NTN5: variants seen among roughly 807,000 people sequenced by gnomAD.
The protein encoded by NTN5 is netrin-5.
NTN5 carries 42 observed loss-of-function variants against 38.7 expected under a neutral mutation model. That is an observed-to-expected ratio of 1.08 (90% CI 0.85 to 1.40). The LOEUF (loss-of-function observed/expected upper bound fraction) is 1.40. Ranked by LOEUF, NTN5 falls within the 40% of genes most tolerant of loss-of-function variation. The pLI is 0.00. For synonymous variants in NTN5, 329 were observed against 303.9 expected (o/e 1.08, Z -0.86); for missense variants, 658 against 716.5 (o/e 0.92, Z 0.93).
At chr19:48,664,909 T>A (rs2031658582) in intron 2 of NTN5, 142 bp from the exon 3 acceptor site, 2 of 628,260 alleles carry the variant, frequency 3.2e-6, no homozygotes, top group Admixed American at 4.2e-5. Flanking sequence ...CCAGGACATC[T>A]CTATTATTAT....
At chr19:48,669,945 TCACCACCACCATCAC>T (rs2031899020) in intron 2 of NTN5, among the ~76,000 whole-genome samples, 2 of 28,612 alleles carry the variant, frequency 7.0e-5, no homozygotes, top group South Asian at 3.1e-3. Context: ...ACCATCACCA[TCACCACCACCATCAC>T]CATCACCACC....
At chr19:48,664,340 G>A (rs764626373) in intron 3 of NTN5, 48 bp from the exon 4 acceptor site, 14 of 1,584,728 alleles carry the variant, frequency 8.8e-6, no homozygotes, top group Non-Finnish European at 1.1e-5. Context: ...GGCCCCAGAT[G>A]CCCCTCCCAA....
intron 2 of NTN5, chr19:48,667,488 G>A (rs993252582): frequency 8.3e-6 from 2 of 242,368 alleles, no homozygotes; most frequent in Non-Finnish European, 1.8e-5. Context: ...TCACTCCCCT[G>A]CTTAGGTAAA....
In NTN5 at chr19:48,662,015, C is replaced by T. The variant is rs375834403; in HGVS notation, c.1132G>A (p.Glu378Lys). ...HVLRAQVLAS[E>K]AAGPAWQRLA... is the part of the protein sequence containing the mutation. ...CGCTGCCATGCCGGGCCCGCCGCCT[C>T]GGACGCTAGCACCTGCGCGCGGAGA... Residue 378 changes from glutamate to lysine, a missense_variant, in exon 7 of 7, where the codon GAG becomes AAG. Glu to Lys is a moderately conservative substitution (Grantham distance 56). Transcript: ENST00000270235. 2.0e-4 allele frequency: 290 copies of T among 1,485,804 alleles called. No homozygotes were observed. In the African/African-American group the frequency reaches 3.1e-3, roughly 16 times the overall value. 92.0% of individuals were successfully genotyped at this position (1,485,804 alleles called of 1,614,324 possible).
Position 48,661,509 on chromosome 19 carries a change from C to T in NTN5, c.*168G>A. 1 of 804,044 alleles carries T rather than the reference C, an allele frequency of 1.2e-6. No homozygotes were observed. The highest frequency in any genetic ancestry group is 1.7e-6 in the Non-Finnish European group (1 of 580,762). 49.8% of individuals were successfully genotyped at this position (804,044 alleles called of 1,614,324 possible). ...TGGGACCAGAAGTCCCGCTTGCCGC[C>T]TTTTGCTAAAAGTTCCGCACGCCTG... On this transcript the variant is annotated 3_prime_UTR_variant, in exon 7 of 7. Coordinates refer to ENST00000270235, the MANE Select transcript of NTN5 (RefSeq NM_145807.4).
intron 2 of NTN5, among the ~76,000 whole-genome samples, chr19:48,666,618 C>A (rs1483543640): frequency 6.7e-6 from 1 of 150,310 alleles, no homozygotes; most frequent in Non-Finnish European, 1.5e-5. Context: ...GCCCAAGGAT[C>A]TGTATTTCCA....
intron 2 of NTN5, among the ~76,000 whole-genome samples, chr19:48,665,601 A>G (rs1404872789): frequency 2.0e-5 from 3 of 152,102 alleles, no homozygotes; most frequent in Non-Finnish European, 4.4e-5. Flanking sequence ...TGGGCAGATC[A>G]CCTGAGGTTA....
intron 2 of NTN5, among the ~76,000 whole-genome samples, chr19:48,669,094 CCATCACCACTAT>C (rs2031788814): frequency 1.4e-5 from 2 of 140,502 alleles, no homozygotes; most frequent in African/African-American, 2.8e-5. Flanking sequence ...ATCACCACCA[CCATCACCACTAT>C]CACCATCATC....
In NTN5 at chr19:48,670,358, A is replaced by G; in HGVS notation, c.629T>C (p.Leu210Pro). 2 of 1,410,164 alleles carry G rather than the reference A, an allele frequency of 1.4e-6. No homozygotes were observed. The highest frequency in any genetic ancestry group is 1.8e-6 in the Non-Finnish European group (2 of 1,083,106). The allele number at this position is 1,410,164 out of a possible 1,614,324, so 87.4% of individuals were successfully genotyped here. ...PATPRHPHPC[L>P]PCSCNQHARR... ...AGAGTGAGGGGCGCAGGACTCACGT[A>G]GGCAAGGGTGGGGGTGCCGGGGCGT... Residue 210 changes from leucine (L) to proline (P), a missense_variant and splice_region_variant, in exon 2 of 7, where the codon CTA becomes CCA. Leu to Pro is a moderately conservative substitution (Grantham distance 98). Transcript: ENST00000270235.
intron 5 of NTN5, 42 bp downstream of exon 5, chr19:48,663,716 CATT>C: frequency 6.3e-7 from 1 of 1,594,294 alleles, no homozygotes; most frequent in Non-Finnish European, 8.6e-7. Flanking sequence ...AGCCCATCCT[CATT>C]CCCACTTGCC....
intron 4 of NTN5, 63 bp downstream of exon 4, chr19:48,664,080 G>T: frequency 6.6e-7 from 1 of 1,522,830 alleles, no homozygotes; most frequent in South Asian, 1.2e-5. Flanking sequence ...GCTGTGCACT[G>T]GAGACCTGGG....
intron 6 of NTN5, 133 bp downstream of exon 6, chr19:48,663,330 C>T: frequency 1.2e-6 from 1 of 841,938 alleles, no homozygotes; most frequent in East Asian, 2.4e-5. Flanking sequence ...ATTTCTAGAT[C>T]AGGAAGGGGT....
chr19:48,670,462 G>A lies in NTN5; in HGVS notation c.525C>T (p.Cys175=). 2.0e-6 allele frequency: 3 copies of A among 1,476,262 alleles called. No homozygotes were observed. Among genetic ancestry groups the A allele is most frequent in the Non-Finnish European group, 1.8e-6 (2 of 1,113,840 alleles). The allele number at this position is 1,476,262 out of a possible 1,614,324, so 91.4% of individuals were successfully genotyped here. ...RCAARARPPR[C]HCRHHTTGPG... is the part of the protein sequence containing the mutation. ...GGCCAGTGGTATGGTGGCGGCAGTGGCAGCGGGGGGGCCGGGCACGGGCGG... is the reference window on the plus strand; with the variant it reads ...GGCCAGTGGTATGGTGGCGGCAGTGACAGCGGGGGGGCCGGGCACGGGCGG... The change falls in exon 2 of 7, where the codon TGC becomes TGT. Residue 175 remains cysteine, a synonymous_variant. Coordinates refer to ENST00000270235, the MANE Select transcript of NTN5 (RefSeq NM_145807.4).
rs200247381 is a variant in NTN5 at position 48,663,743 on chromosome 19, C to T, written c.1024+18G>A. 2.9e-5 allele frequency: 47 copies of T among 1,613,044 alleles called. No individual in the cohort carries two copies. In the Admixed American group the frequency reaches 4.5e-4, roughly 15 times the overall value. On this transcript the variant is annotated intron_variant, in intron 5 of 6. Transcript: ENST00000270235. Reference sequence around the variant, plus strand: ...TTCCCACTTGCCACTCAGGGACCTCCGTGCCAGACTGTCTTACCAGAGCTA... The same window carrying T: ...TTCCCACTTGCCACTCAGGGACCTCTGTGCCAGACTGTCTTACCAGAGCTA...
chr19:48,661,901 G>A lies in NTN5; in HGVS notation c.1246C>T (p.Leu416=). ...DQDAWVPRAD[L]TCGCLRLQPG... ...TGCAGGCGCAGGCAGCCGCAGGTCA[G>A]GTCGGCGCGGGGCACCCAGGCGTCC... The change falls in exon 7 of 7, where the codon CTG becomes TTG. Residue 416 remains leucine, a synonymous_variant. Transcript: ENST00000270235. 1 of 1,357,794 alleles carries A rather than the reference G, an allele frequency of 7.4e-7. No homozygotes were observed. Among genetic ancestry groups the A allele is most frequent in the Non-Finnish European group, 9.4e-7 (1 of 1,058,426 alleles). 84.1% of individuals were successfully genotyped at this position (1,357,794 alleles called of 1,614,324 possible). A position where few individuals can be genotyped will look rare whatever the true frequency, so the allele number is the denominator to read the frequency against.
In NTN5 at chr19:48,661,620, A is replaced by T; in HGVS notation, c.*57T>A. 6.9e-7 allele frequency: 1 copy of T among 1,440,198 alleles called. No homozygotes were observed. Among genetic ancestry groups the T allele is most frequent in the Non-Finnish European group, 9.1e-7 (1 of 1,101,428 alleles). 89.2% of individuals were successfully genotyped at this position (1,440,198 alleles called of 1,614,324 possible). On this transcript the variant is annotated 3_prime_UTR_variant, in exon 7 of 7. Transcript: ENST00000270235. ...AGTGCACCGTCGAGGTAGAAGGCTC[A>T]GCTCCTAGTCGCTCCCAAATTACTT...
chr19:48,670,485 C>T lies in NTN5; in HGVS notation c.502G>A (p.Ala168Thr), dbSNP rs1470363138. 2.5e-5 allele frequency: 37 copies of T among 1,475,932 alleles called. No individual in the cohort carries two copies. Among genetic ancestry groups the T allele is most frequent in the Middle Eastern group, 2.4e-4 (1 of 4,174 alleles). The allele number at this position is 1,475,932 out of a possible 1,614,324, so 91.4% of individuals were successfully genotyped here. Residue 168 changes from alanine (A) to threonine (T), a missense_variant, in exon 2 of 7, where the codon GCC becomes ACC. Ala to Thr is a moderately conservative substitution (Grantham distance 58). Transcript: ENST00000270235. ...TGGCAGCGGGGGGGCCGGGCACGGG[C>T]GGCACAGCGGGCAGCGTGGCCATGA... ...QCHGHAARCAARARPPRCHCR... is the reference protein window; with the variant it reads ...QCHGHAARCATRARPPRCHCR...
rs1011897391 is a variant in NTN5, at chr19:48,672,950, C to T, written c.-39G>A. 1.7e-5 allele frequency: 5 copies of T among 291,146 alleles called. No homozygotes were observed. The highest frequency in any genetic ancestry group is 3.5e-5 in the Non-Finnish European group (5 of 141,324). 18.0% of individuals were successfully genotyped at this position (291,146 alleles called of 1,614,324 possible). A position where few individuals can be genotyped will look rare whatever the true frequency, so the allele number is the denominator to read the frequency against. On this transcript the variant is annotated 5_prime_UTR_variant, in exon 1 of 7. Transcript: ENST00000270235. ...GCCAAACCTGCACTCAAGAAGAGAG[C>T]GTCCTGCAGCCAGTTCCCCGCAGGC...
Position 48,670,939 on chromosome 19 carries a change from C to A in NTN5, c.48G>T (p.Ala16=), listed in dbSNP as rs1041929398. 7.6e-6 allele frequency: 12 copies of A among 1,576,670 alleles called. No homozygotes were observed. Among genetic ancestry groups the A allele is most frequent in the Non-Finnish European group, 7.8e-6 (9 of 1,160,212 alleles). ...GGCCCTGTGGATCGTAGCATGGGTC[C>A]GCAGTGGCCTGGCCCAGGAGGAGCA... ...ALLLLLGQAT[A]DPCYDPQGRP... Residue 16 remains alanine (A), a synonymous_variant, in exon 2 of 7, where the codon GCG becomes GCT. Coordinates refer to ENST00000270235, the MANE Select transcript of NTN5 (RefSeq NM_145807.4).
Sources: gnomAD v4.1 joint callset for allele counts (sites outside exome capture counted in the v4.1 genomes callset) on GRCh38, gnomAD v4.1.1 for gene constraint, MANE v1.5 for transcripts, NCBI Gene and HGNC (gene_info 2026-07-23, HGNC 2026-07-21) for gene names.